The following KCNQ5 variants were observed in gnomAD, a reference collection of about 807,000 sequenced individuals.
KCNQ5 encodes potassium voltage-gated channel subfamily Q member 5.
In KCNQ5, 30 loss-of-function variants were observed where a neutral mutation model predicts 98.2. The observed-to-expected ratio is 0.31, with a 90% CI of 0.23 to 0.41. The LOEUF (loss-of-function observed/expected upper bound fraction) is 0.41, where lower values mean the gene tolerates loss of function less well. Among genes scored for constraint, KCNQ5 ranks in the 10% least tolerant of loss-of-function variants. The probability of loss-of-function intolerance (pLI) is 1.00; values close to 1 mark genes in which losing one functional copy is unlikely to be tolerated. For missense variants in KCNQ5, 835 were observed against 1,182.5 expected, an observed-to-expected ratio of 0.71 and a Z score of 4.31; for synonymous variants, 458 against 449.4, an observed-to-expected ratio of 1.02 and a Z score of -0.24.
At chr6:73,160,992 T>C (rs1376669581) in intron 10 of KCNQ5, among the ~76,000 whole-genome samples, 4 of 152,156 alleles carry the variant, frequency 2.6e-5, no homozygotes, top group African/African-American at 9.7e-5. Flanking sequence ...AGTCAATATA[T>C]TGAAGAGATA....
intron 3 of KCNQ5, among the ~76,000 whole-genome samples, chr6:73,061,152 T>C (rs977894964): frequency 1.3e-5 from 2 of 152,158 alleles, no homozygotes; most frequent in African/African-American, 4.8e-5. Flanking sequence ...TAATACTGCA[T>C]ATATAGTGTG....
intron 1 of KCNQ5, among the ~76,000 whole-genome samples, chr6:72,707,441 A>G (rs1769147654): frequency 6.6e-6 from 1 of 152,196 alleles, no homozygotes; most frequent in African/African-American, 2.4e-5. Context: ...AATTTTAAAA[A>G]TGACGTTGTT....
At chr6:72,654,511 C>A (rs1436548377) in intron 1 of KCNQ5, among the ~76,000 whole-genome samples, 1 of 151,852 alleles carries the variant, frequency 6.6e-6, no homozygotes, top group Non-Finnish European at 1.5e-5. Context: ...AAATAAGGAA[C>A]AATGTACTAG....
chr6:73,010,414 A>C (rs950804497), intron 2 of KCNQ5, among the ~76,000 whole-genome samples: 2 of 152,114 alleles, frequency 1.3e-5, no homozygotes, highest in Non-Finnish European at 2.9e-5. Context: ...CATCATACAC[A>C]AAGGTGAAAG....
intron 5 of KCNQ5, among the ~76,000 whole-genome samples, chr6:73,090,825 G>A (rs1352609061): frequency 6.6e-6 from 1 of 152,186 alleles, no homozygotes; most frequent in Non-Finnish European, 1.5e-5. Flanking sequence ...GGAAACAACA[G>A]ATGCTGGAGA....
At chr6:72,720,687 A>G (rs1171262664) in intron 1 of KCNQ5, among the ~76,000 whole-genome samples, 3 of 152,218 alleles carry the variant, frequency 2.0e-5, no homozygotes. Context: ...TAAAACTCCT[A>G]GAAATGTAGA....
At chr6:72,824,128 A>G (rs6928101) in intron 1 of KCNQ5, among the ~76,000 whole-genome samples, 76,109 of 151,746 alleles carry the variant, frequency 0.5, 19,116 homozygotes, top group South Asian at 0.58. Context: ...TGTCTTCCAT[A>G]TTGTTTAAGA....
intron 10 of KCNQ5, among the ~76,000 whole-genome samples, chr6:73,167,783 A>G (rs376762362): frequency 1.2e-4 from 19 of 152,300 alleles, no homozygotes; most frequent in African/African-American, 4.6e-4. Flanking sequence ...CCCAGAAGAG[A>G]CAAATGCTAT....
intron 9 of KCNQ5, chr6:73,129,931 C>G (rs1437425916): frequency 2.8e-6 from 3 of 1,058,416 alleles, no homozygotes; most frequent in Non-Finnish European, 1.4e-6. Flanking sequence ...ACCGCCACCC[C>G]ACCTGAGCCC....
intron 10 of KCNQ5, among the ~76,000 whole-genome samples, chr6:73,142,172 C>T (rs1776745428): frequency 1.3e-5 from 2 of 152,106 alleles, no homozygotes; most frequent in African/African-American, 2.4e-5. Context: ...GACATAAGCT[C>T]AGAAGTGTTA....
chr6:72,812,648 T>C (rs1775298666), intron 1 of KCNQ5, among the ~76,000 whole-genome samples: 1 of 151,990 alleles, frequency 6.6e-6, no homozygotes, highest in Admixed American at 6.6e-5. Context: ...AGAAATGGAG[T>C]CAGAGAGGCT....
At chr6:73,080,706 A>T (rs548785089) in intron 5 of KCNQ5, among the ~76,000 whole-genome samples, 2 of 152,352 alleles carry the variant, frequency 1.3e-5, no homozygotes, top group Non-Finnish European at 2.9e-5. Flanking sequence ...AAATGAGAGT[A>T]TTTCTAAGTG....
intron 1 of KCNQ5, among the ~76,000 whole-genome samples, chr6:72,624,689 G>C (rs977222353): frequency 6.6e-6 from 1 of 152,216 alleles, no homozygotes; most frequent in African/African-American, 2.4e-5. Flanking sequence ...CTTAATAGAT[G>C]TAGCAAATGT....
At chr6:72,711,740 G>T (rs1769380182) in intron 1 of KCNQ5, among the ~76,000 whole-genome samples, 1 of 152,234 alleles carries the variant, frequency 6.6e-6, no homozygotes, top group South Asian at 2.1e-4. Context: ...GAGTTGGAGA[G>T]AAGCGGATTG....
At chr6:72,852,713 A>G (rs1777329052) in intron 1 of KCNQ5, among the ~76,000 whole-genome samples, 1 of 113,616 alleles carries the variant, frequency 8.8e-6, no homozygotes. Flanking sequence ...CTTTACCTCA[A>G]TAAAAAAAAG....
intron 1 of KCNQ5, among the ~76,000 whole-genome samples, chr6:72,943,421 T>C (rs778263765): frequency 2.6e-5 from 4 of 152,218 alleles, no homozygotes; most frequent in African/African-American, 4.8e-5. Context: ...CATTCTCTAG[T>C]GCATTGGCTC....
chr6:73,012,718 C>G (rs9442874), intron 2 of KCNQ5, among the ~76,000 whole-genome samples: 14,950 of 151,862 alleles, frequency 0.098, 2,071 homozygotes, highest in African/African-American at 0.31. Flanking sequence ...ACACGCTGGG[C>G]TTAATACCTA....
At chr6:73,163,128 A>G (rs1028947740) in intron 10 of KCNQ5, among the ~76,000 whole-genome samples, 1 of 152,178 alleles carries the variant, frequency 6.6e-6, no homozygotes, top group Non-Finnish European at 1.5e-5. Flanking sequence ...AGTGGCTCAC[A>G]CCTGTAATTC....
At chr6:72,796,801 G>T (rs1774357056) in intron 1 of KCNQ5, among the ~76,000 whole-genome samples, 1 of 152,064 alleles carries the variant, frequency 6.6e-6, no homozygotes, top group South Asian at 2.1e-4. Context: ...ATTAAATTTT[G>T]CAAGAAATAC....
Sources: allele counts gnomAD v4.1 joint callset (sites outside exome capture counted in the v4.1 genomes callset), GRCh38; gene constraint gnomAD v4.1.1; transcripts MANE v1.5; gene names NCBI Gene and HGNC (gene_info 2026-07-23, HGNC 2026-07-21).